The following PRKCB variants were observed in gnomAD, a reference collection of about 807,000 sequenced individuals.
The protein encoded by PRKCB is protein kinase C beta type.
PRKCB carries 13 observed loss-of-function variants against 81.5 expected under a neutral mutation model. That is an observed-to-expected ratio of 0.16 (90% CI 0.10 to 0.25). PRKCB has a LOEUF of 0.25. Ranked by LOEUF, PRKCB falls within the 10% of genes least tolerant of loss-of-function variation. The pLI, the probability that PRKCB is intolerant of heterozygous loss-of-function variation, is 1.00. For synonymous variants in PRKCB, 335 were observed against 321.4 expected, an observed-to-expected ratio of 1.04 and a Z score of -0.45; for missense variants, 509 against 875.7, an observed-to-expected ratio of 0.58 and a Z score of 5.29.
At chr16:23,898,347 G>C (rs954009217) in intron 2 of PRKCB, among the ~76,000 whole-genome samples, 9 of 152,062 alleles carry the variant, frequency 5.9e-5, no homozygotes, top group Non-Finnish European at 2.9e-5. Context: ...GATTATAGGC[G>C]TGAGCCACCG....
At chr16:24,199,041 T>A (rs1015408) in intron 16 of PRKCB, among the ~76,000 whole-genome samples, 26,630 of 152,188 alleles carry the variant, frequency 0.17, 2,732 homozygotes, top group East Asian at 0.22. Flanking sequence ...TGCACTTTAC[T>A]TAAAGCCCCA....
intron 2 of PRKCB, among the ~76,000 whole-genome samples, chr16:23,929,495 G>T (rs1204463634): frequency 6.6e-6 from 1 of 152,122 alleles, no homozygotes; most frequent in African/African-American, 2.4e-5. Flanking sequence ...ATAGAGGGTT[G>T]TGAAGAGTGA....
chr16:23,843,790 CAAAAAAAAAAAAA>C (rs544908905), intron 2 of PRKCB, among the ~76,000 whole-genome samples: 1 of 113,876 alleles, frequency 8.8e-6, no homozygotes, highest in Admixed American at 9.5e-5. Context: ...GTATCTAGGC[CAAAAAAAAAAAAA>C]AAAAAAAAAA....
intron 2 of PRKCB, among the ~76,000 whole-genome samples, chr16:23,932,202 A>G (rs1476912115): frequency 6.6e-6 from 1 of 152,242 alleles, no homozygotes; most frequent in Admixed American, 6.5e-5. Context: ...TTGGAAATAA[A>G]TTCAAACAAA....
chr16:24,214,934 A>G lies in PRKCB; in HGVS notation c.*118A>G. The G allele has an allele frequency of 6.6e-7, 1 of 1,523,116 alleles. No homozygotes were observed. The highest frequency in any genetic ancestry group is 1.3e-5 in the South Asian group (1 of 76,686). 94.4% of individuals were successfully genotyped at this position (1,523,116 alleles called of 1,614,324 possible). A position where few individuals can be genotyped will look rare whatever the true frequency, so the allele number is the denominator to read the frequency against. ...CCATGTTTGATTTTCTGATGAGACTAGAGTGACAGTGTTTCAGAACCCAAA... is the reference window on the plus strand; with the variant it reads ...CCATGTTTGATTTTCTGATGAGACTGGAGTGACAGTGTTTCAGAACCCAAA... On this transcript the variant is annotated 3_prime_UTR_variant, in exon 17 of 17. Coordinates refer to ENST00000643927, the MANE Select transcript of PRKCB (RefSeq NM_002738.7).
At chr16:23,900,576 A>C (rs1248404569) in intron 2 of PRKCB, among the ~76,000 whole-genome samples, 1 of 151,448 alleles carries the variant, frequency 6.6e-6, no homozygotes, top group East Asian at 1.9e-4. Flanking sequence ...GACATTCCGC[A>C]TATGAACCTT....
At chr16:23,900,017 A>G (rs1249664236) in intron 2 of PRKCB, among the ~76,000 whole-genome samples, 2 of 152,036 alleles carry the variant, frequency 1.3e-5, no homozygotes, top group African/African-American at 4.8e-5. Context: ...ACTCTTTAGG[A>G]CCCATAATTT....
chr16:24,150,552 A>G (rs1967064275), intron 9 of PRKCB, among the ~76,000 whole-genome samples: 1 of 152,194 alleles, frequency 6.6e-6, no homozygotes, highest in African/African-American at 2.4e-5. Flanking sequence ...CTAATAACAC[A>G]GAGTTGGAAG....
At chr16:23,878,384 G>C (rs1340912301) in intron 2 of PRKCB, among the ~76,000 whole-genome samples, 1 of 152,146 alleles carries the variant, frequency 6.6e-6, no homozygotes, top group African/African-American at 2.4e-5. Flanking sequence ...ACTCGTGCCT[G>C]ATCAAAGCTT....
chr16:24,043,064 T>C (rs778007275), intron 5 of PRKCB, among the ~76,000 whole-genome samples: 1 of 152,180 alleles, frequency 6.6e-6, no homozygotes, highest in Non-Finnish European at 1.5e-5. Context: ...TGGCTGAGTT[T>C]TGACAAATGC....
Position 24,217,897 on chromosome 16 carries a change from A to T in PRKCB, c.*3081A>T. On this transcript the variant is annotated 3_prime_UTR_variant, in exon 17 of 17. Coordinates refer to ENST00000643927, the MANE Select transcript of PRKCB (RefSeq NM_002738.7). Reference sequence around the variant, plus strand: ...GTTCATACAGGGGTTCAAAAGGGACAGTGGCCCATTTGGGAGACCTTTAGG... The same window carrying T: ...GTTCATACAGGGGTTCAAAAGGGACTGTGGCCCATTTGGGAGACCTTTAGG... The T allele has an allele frequency of 1.0e-6, 1 of 985,434 alleles. No homozygotes were observed. The highest frequency in any genetic ancestry group is 1.2e-6 in the Non-Finnish European group (1 of 829,930). The allele number at this position is 985,434 out of a possible 1,614,324, so 61.0% of individuals were successfully genotyped here. A position where few individuals can be genotyped will look rare whatever the true frequency, so the allele number is the denominator to read the frequency against.
chr16:24,110,234 C>T (rs1420671178), intron 7 of PRKCB, among the ~76,000 whole-genome samples: 7 of 151,408 alleles, frequency 4.6e-5, no homozygotes, highest in Admixed American at 6.6e-5. Context: ...TTTCTTGAGA[C>T]GGTGTCTCGC....
chr16:23,873,370 C>CA (rs113026809), intron 2 of PRKCB, among the ~76,000 whole-genome samples: 12,978 of 113,424 alleles, frequency 0.11, 685 homozygotes, highest in South Asian at 0.22. Flanking sequence ...GAAACTCTGT[C>CA]AAAAAAAAAA....
chr16:23,950,107 A>G (rs959166750), intron 2 of PRKCB, among the ~76,000 whole-genome samples: 1 of 139,836 alleles, frequency 7.2e-6, no homozygotes, highest in Non-Finnish European at 1.5e-5. Flanking sequence ...TTCTGCCAAC[A>G]GCAGCATTGG....
At chr16:24,081,181 C>T (rs954595432) in intron 5 of PRKCB, among the ~76,000 whole-genome samples, 64 of 151,424 alleles carry the variant, frequency 4.2e-4, no homozygotes, top group Non-Finnish European at 7.4e-4. Flanking sequence ...GAAATATTAG[C>T]AAATTAAATT....
intron 2 of PRKCB, among the ~76,000 whole-genome samples, chr16:23,881,314 G>A (rs771263160): frequency 4.7e-5 from 7 of 149,772 alleles, no homozygotes; most frequent in South Asian, 2.1e-4. Flanking sequence ...GTGCGGTGGC[G>A]CGGTCTTGGT....
In PRKCB at chr16:24,216,255, G is replaced by T; in HGVS notation, c.*1439G>T. On this transcript the variant is annotated 3_prime_UTR_variant, in exon 17 of 17. Coordinates refer to ENST00000643927, the MANE Select transcript of PRKCB (RefSeq NM_002738.7). ...ACTGGAGCCCAAAGTCAAGTTTAGA[G>T]ACCAGCTGGGAACGTGAATGGGGCT... is the stretch of plus-strand genomic sequence containing the variant. 2.0e-6 allele frequency: 2 copies of T among 985,432 alleles called. No homozygotes were observed. Among genetic ancestry groups the T allele is most frequent in the Non-Finnish European group, 2.4e-6 (2 of 829,948 alleles). The allele number at this position is 985,432 out of a possible 1,614,324, so 61.0% of individuals were successfully genotyped here. A position where few individuals can be genotyped will look rare whatever the true frequency, so the allele number is the denominator to read the frequency against.
chr16:24,109,978 C>A (rs1157780230), intron 7 of PRKCB, among the ~76,000 whole-genome samples: 1 of 133,224 alleles, frequency 7.5e-6, no homozygotes, highest in Non-Finnish European at 1.6e-5. Flanking sequence ...AGTCTGCAAT[C>A]GCAGGCACTC....
chr16:24,185,471 A>G lies in PRKCB; in HGVS notation c.1626A>G (p.Glu542=). The change falls in exon 15 of 17, where the codon GAA becomes GAG. Residue 542 remains glutamate (E), a synonymous_variant. Coordinates refer to ENST00000643927, the MANE Select transcript of PRKCB (RefSeq NM_002738.7). ...CCCCTGTCATACAGGCACCCTTTGA[A>G]GGGGAGGATGAAGATGAACTCTTCC... ...YEMLAGQAPF[E]GEDEDELFQS... The G allele has an allele frequency of 6.2e-7, 1 of 1,614,020 alleles. No homozygotes were observed. Among genetic ancestry groups the G allele is most frequent in the East Asian group, 2.2e-5 (1 of 44,876 alleles).
Sources: allele counts gnomAD v4.1 joint callset (sites outside exome capture counted in the v4.1 genomes callset), GRCh38; gene constraint gnomAD v4.1.1; transcripts MANE v1.5; gene names NCBI Gene and HGNC (gene_info 2026-07-23, HGNC 2026-07-21).